The following DCAF8L2 variants were observed in gnomAD, a reference collection of about 807,000 sequenced individuals.
DCAF8L2 encodes the protein DDB1 and CUL4 associated factor 8 like 2.
For synonymous variants in DCAF8L2, 200 were observed against 190.9 expected, an observed-to-expected ratio of 1.05 and a Z score of -0.39; for missense variants, 430 against 490.7, an observed-to-expected ratio of 0.88 and a Z score of 1.17.
upstream of DCAF8L2, among the ~76,000 whole-genome samples, chrX:27,586,743 GA>G (rs995566233): frequency 3.6e-5 from 4 of 110,726 alleles, no homozygotes; most frequent in Admixed American, 1.9e-4. Flanking sequence ...AAGGAGGGTT[GA>G]AAAAAATACC....
chrX:27,592,469 T>C (rs1335031606), intron 1 of DCAF8L2, among the ~76,000 whole-genome samples: 4 of 105,967 alleles, frequency 3.8e-5, no homozygotes, highest in Non-Finnish European at 7.8e-5. Context: ...AGAGTTTCGC[T>C]CTTGTTGCCC....
intron 3 of DCAF8L2, among the ~76,000 whole-genome samples, chrX:27,708,725 C>T (rs149257806): frequency 1.6e-4 from 18 of 112,077 alleles, no homozygotes; most frequent in African/African-American, 5.8e-4. Context: ...AAACCCCTAC[C>T]GATCTATTGA....
intron 2 of DCAF8L2, among the ~76,000 whole-genome samples, chrX:27,669,520 C>T (rs967894868): frequency 2.7e-5 from 3 of 109,094 alleles, no homozygotes; most frequent in Non-Finnish European, 5.7e-5. Flanking sequence ...TACATGTGCA[C>T]AATGTGCAGG....
At chrX:27,633,488 C>T (rs375020986) in intron 2 of DCAF8L2, 1 of 111,952 alleles carries the variant, frequency 8.9e-6, no homozygotes, top group Non-Finnish European at 1.9e-5. Context: ...CTGTTCTTGG[C>T]ACATTTGCAG....
the DCAF8L2 span, chrX:27,519,419 A>C: frequency 5.3e-6 from 6 of 1,130,497 alleles, no homozygotes; most frequent in Non-Finnish European, 7.3e-6. Flanking sequence ...GCACTTGCTG[A>C]ATTCACTGCC....
At chrX:27,605,349 A>G (rs1031999945) in intron 1 of DCAF8L2, among the ~76,000 whole-genome samples, 8 of 111,957 alleles carry the variant, frequency 7.1e-5, no homozygotes, top group Middle Eastern at 4.7e-3. Context: ...AGCTCTAACT[A>G]TGTGAAGGCA....
At chrX:27,676,501 A>G (rs188713409) in intron 2 of DCAF8L2, among the ~76,000 whole-genome samples, 92 of 111,178 alleles carry the variant, frequency 8.3e-4, no homozygotes, top group African/African-American at 2.9e-3. Context: ...GGAAATTTCA[A>G]ATAGGCTTTG....
At chrX:27,584,624 A>G in the DCAF8L2 span, among the ~76,000 whole-genome samples, 2 of 111,518 alleles carry the variant, frequency 1.8e-5, no homozygotes, top group Non-Finnish European at 3.8e-5. Flanking sequence ...TGAGTTTTAT[A>G]TAAACAGTAA....
rs755667196 is a variant in DCAF8L2 at position 27,747,489 on chromosome X, G to A, written c.594G>A (p.Leu198=). Residue 198 remains leucine (L), a synonymous_variant, in exon 5 of 5, where the codon CTG becomes CTA. Transcript: ENST00000451261. ...QVVTALHQRQ[L]GSRPRFVYEA... Reference sequence around the variant, plus strand: ...TTACTGCTCTTCACCAGCGGCAGCTGGGTTCACGTCCCCGCTTTGTATATG... The same window carrying A: ...TTACTGCTCTTCACCAGCGGCAGCTAGGTTCACGTCCCCGCTTTGTATATG... 3.4e-6 allele frequency: 4 copies of A among 1,174,865 alleles called. No individual in the cohort carries two copies. Among genetic ancestry groups the A allele is most frequent in the Admixed American group, 2.5e-5 (1 of 39,954 alleles).
At chrX:27,571,469 A>G in the DCAF8L2 span, among the ~76,000 whole-genome samples, 1 of 111,914 alleles carries the variant, frequency 8.9e-6, no homozygotes, top group Non-Finnish European at 1.9e-5. Flanking sequence ...GCTATCCTCA[A>G]TAATTCTGGC....
At chrX:27,678,599 A>G (rs972242876) in intron 3 of DCAF8L2, among the ~76,000 whole-genome samples, 1 of 112,211 alleles carries the variant, frequency 8.9e-6, no homozygotes, top group African/African-American at 3.2e-5. Context: ...CACTAAAGAG[A>G]AAATATTGTA....
chrX:27,627,262 A>G (rs1411306272), intron 1 of DCAF8L2: 6 of 111,553 alleles, frequency 5.4e-5, no homozygotes, highest in Admixed American at 1.9e-4. Context: ...TGTTTAATAT[A>G]TTATGTTCAT....
chrX:27,474,477 C>T, the DCAF8L2 span, among the ~76,000 whole-genome samples: 141 of 111,396 alleles, frequency 1.3e-3, no homozygotes, highest in Admixed American at 0.012. Flanking sequence ...GAAACTCAGG[C>T]TGTATCAGGC....
At chrX:27,702,951 G>A (rs1931186027) in intron 3 of DCAF8L2, among the ~76,000 whole-genome samples, 1 of 111,202 alleles carries the variant, frequency 9.0e-6, no homozygotes, top group East Asian at 2.8e-4. Context: ...GGAAACCTAA[G>A]GAATCCACTC....
At chrX:27,574,932 A>ACCTTGT in the DCAF8L2 span, among the ~76,000 whole-genome samples, 1 of 111,849 alleles carries the variant, frequency 8.9e-6, no homozygotes, top group East Asian at 2.8e-4. Context: ...TAAGCAGCTC[A>ACCTTGT]GTTAGACCCT....
At chrX:27,547,302 C>T in the DCAF8L2 span, among the ~76,000 whole-genome samples, 704 of 111,877 alleles carry the variant, frequency 6.3e-3, 4 homozygotes, top group African/African-American at 0.021. Context: ...AACTTTCCTG[C>T]ATCTTTCTGT....
chrX:27,614,345 T>C (rs1350340861), intron 1 of DCAF8L2, among the ~76,000 whole-genome samples: 2 of 111,558 alleles, frequency 1.8e-5, no homozygotes, highest in Non-Finnish European at 3.8e-5. Context: ...TTCTCTCTTT[T>C]CTTCTTTATT....
At chrX:27,571,501 A>C in the DCAF8L2 span, among the ~76,000 whole-genome samples, 1 of 111,850 alleles carries the variant, frequency 8.9e-6, no homozygotes, top group African/African-American at 3.2e-5. Flanking sequence ...TTCTGACATC[A>C]TGATTTCGAG....
chrX:27,522,001 A>G, the DCAF8L2 span, among the ~76,000 whole-genome samples: 4 of 112,291 alleles, frequency 3.6e-5, no homozygotes, highest in Non-Finnish European at 5.6e-5. Context: ...CACCTAATAA[A>G]TATTTCAGAA....
Sources: gnomAD v4.1 joint callset for allele counts (sites outside exome capture counted in the v4.1 genomes callset) on GRCh38, gnomAD v4.1.1 for gene constraint, MANE v1.5 for transcripts, NCBI Gene and HGNC (gene_info 2026-07-23, HGNC 2026-07-21) for gene names.